The following NRXN2 variants were observed in gnomAD, a reference collection of about 807,000 sequenced individuals.
NRXN2 encodes the protein neurexin 2, also known as neurexin-2-beta.
NRXN2 carries 29 observed loss-of-function variants against 128.8 expected under a neutral mutation model. The ratio of observed to expected loss-of-function variants is 0.23; its 90% CI spans 0.17 to 0.31. The LOEUF is 0.31. Among genes scored for constraint, NRXN2 ranks in the 10% least tolerant of loss-of-function variants. The probability of loss-of-function intolerance (pLI) is 1.00; values close to 1 mark genes in which losing one functional copy is unlikely to be tolerated. For missense variants in NRXN2, 1,881 were observed against 2,452.6 expected (o/e 0.77, Z 4.92); for synonymous variants, 1,098 against 1,075.2 (o/e 1.02, Z -0.41).
rs1186281192 is a variant in NRXN2 at position 64,713,133 on chromosome 11, G to C, written c.567C>G (p.Pro189=). ...GCAGGCCCTGGCTGCCCAGCAGCGC[G>C]GGGGGCCGCTCGCCCAGCTTCAGGT... ...LANLKLGERP[P]ALLGSQGLRG... is the part of the protein sequence containing the mutation. The change falls in exon 2 of 23, where the codon CCC becomes CCG. Residue 189 remains proline (P), a synonymous_variant. Transcript: ENST00000265459. 6 of 1,433,046 alleles carry C rather than the reference G, an allele frequency of 4.2e-6. No individual in the cohort carries two copies. Among genetic ancestry groups the C allele is most frequent in the Non-Finnish European group, 5.5e-6 (6 of 1,092,972 alleles). The allele number at this position is 1,433,046 out of a possible 1,614,324, so 88.8% of individuals were successfully genotyped here. A position where few individuals can be genotyped will look rare whatever the true frequency, so the allele number is the denominator to read the frequency against.
chr11:64,693,478 C>T (rs1332776023), intron 3 of NRXN2, among the ~76,000 whole-genome samples: 1 of 152,036 alleles, frequency 6.6e-6, no homozygotes, highest in Non-Finnish European at 1.5e-5. Flanking sequence ...GGCCTCCAAC[C>T]CCCCAACACC....
chr11:64,708,708 G>C (rs1162034888), intron 2 of NRXN2, among the ~76,000 whole-genome samples: 1 of 152,212 alleles, frequency 6.6e-6, no homozygotes, highest in Non-Finnish European at 1.5e-5. Flanking sequence ...AAGGCAGATT[G>C]AAACATCTTG....
intron 6 of NRXN2, 147 bp downstream of exon 6, chr11:64,685,499 C>A (rs540139207): frequency 9.7e-5 from 106 of 1,089,976 alleles, no homozygotes; most frequent in South Asian, 6.6e-4. Flanking sequence ...TCGGGACCCT[C>A]ACAGCCCCAA....
intron 5 of NRXN2, among the ~76,000 whole-genome samples, chr11:64,688,071 G>A (rs538216147): frequency 2.6e-5 from 4 of 152,264 alleles, no homozygotes; most frequent in African/African-American, 9.6e-5. Context: ...CAAACAGAAA[G>A]AAAGAAAAGA....
In NRXN2 at chr11:64,698,301, C is replaced by T. The variant is rs116200024; in HGVS notation, c.731-509G>A. Among the ~76,000 whole-genome samples, 517 of 152,312 alleles carry T rather than the reference C, an allele frequency of 3.4e-3. 1 individual carries two copies. The highest frequency in any genetic ancestry group is 0.012 in the African/African-American group (489 of 41,540). ...ATAGGCACTTAGCAATCCAGTGACA[C>T]ACACTGTCTCACACAATTCACATAT... On this transcript the variant is annotated intron_variant, in intron 2 of 22. Coordinates refer to ENST00000265459, the MANE Select transcript of NRXN2 (RefSeq NM_015080.4).
chr11:64,649,102 T>C (rs1181525212), intron 15 of NRXN2, among the ~76,000 whole-genome samples, 195 bp from the exon 16 acceptor site: 1 of 152,162 alleles, frequency 6.6e-6, no homozygotes, highest in African/African-American at 2.4e-5. Context: ...CACTTTGCCA[T>C]CTGCCTGCTC....
intron 9 of NRXN2, chr11:64,661,476 T>G (rs915493327): frequency 9.1e-7 from 1 of 1,095,532 alleles, no homozygotes; most frequent in African/African-American, 1.6e-5. Context: ...TCGGAAAGGG[T>G]TGGATCATTC....
chr11:64,717,701 A>G (rs1164971759), intron 1 of NRXN2, among the ~76,000 whole-genome samples: 2 of 152,246 alleles, frequency 1.3e-5, no homozygotes, highest in African/African-American at 2.4e-5. Flanking sequence ...TGCATCAGAC[A>G]CCAGGCTGGA....
At position 64,630,820 on chromosome 11, in the gene NRXN2, T is replaced by C. The variant is rs903631238; in HGVS notation, c.3586-247A>G. Among the ~76,000 whole-genome samples, 109 of 152,306 alleles carry C rather than the reference T, an allele frequency of 7.2e-4. No homozygotes were observed. The highest frequency in any genetic ancestry group is 2.5e-3 in the African/African-American group (104 of 41,578). ...CCACTAACCACACCTGTCTCTTGCC[T>C]TTTGGTTTGTCCTGGATATTCACAA... On this transcript the variant is annotated intron_variant, in intron 18 of 22. Coordinates refer to ENST00000265459, the MANE Select transcript of NRXN2 (RefSeq NM_015080.4). The surrounding 1 kb of genome is among the most constrained non-coding windows in gnomAD (Gnocchi z 4.6).
At chr11:64,683,990 T>G (rs1047172475) in intron 6 of NRXN2, among the ~76,000 whole-genome samples, 3 of 152,196 alleles carry the variant, frequency 2.0e-5, no homozygotes, top group Admixed American at 1.3e-4. Flanking sequence ...TTTCTGCTGC[T>G]CACTTGGCAC....
intron 1 of NRXN2, among the ~76,000 whole-genome samples, chr11:64,719,224 T>G (rs1368061007): frequency 6.6e-6 from 1 of 152,124 alleles, no homozygotes; most frequent in Non-Finnish European, 1.5e-5. Context: ...GTGAGAAAAG[T>G]AAGCAAGACA....
Position 64,607,513 on chromosome 11 carries a change from G to A in NRXN2, c.4822C>T (p.His1608Tyr), listed in dbSNP as rs1449559144. 2 of 1,588,150 alleles carry A rather than the reference G, an allele frequency of 1.3e-6. No homozygotes were observed. Among genetic ancestry groups the A allele is most frequent in the Non-Finnish European group, 1.7e-6 (2 of 1,170,020 alleles). Residue 1608 changes from histidine (H) to tyrosine (Y), a missense_variant, in exon 23 of 23, where the codon CAT (histidine) becomes TAT (tyrosine). By Grantham distance (83) the His-to-Tyr change is moderately conservative (BLOSUM62 2). Transcript: ENST00000265459. ...CCTGTGGGGTTGGCTGTGGGCAGAT[G>A]GGGGAAGCCGGGGGCTGAGGTCACG... ...PGVTSAPGFPHLPTANPTGPG... is the reference protein window; with the variant it reads ...PGVTSAPGFPYLPTANPTGPG...
rs2039673189 is a variant in NRXN2 at position 64,606,563 on chromosome 11, C to T, written c.*633G>A. 1 of 151,992 alleles carries T rather than the reference C, an allele frequency of 6.6e-6. No homozygotes were observed. Among genetic ancestry groups the T allele is most frequent in the Non-Finnish European group, 1.5e-5 (1 of 68,196 alleles). 9.4% of individuals were successfully genotyped at this position (151,992 alleles called of 1,614,324 possible). On this transcript the variant is annotated 3_prime_UTR_variant, in exon 23 of 23. Coordinates refer to ENST00000265459, the MANE Select transcript of NRXN2 (RefSeq NM_015080.4). Reference sequence around the variant, plus strand: ...TTCCCTGGGCGGCACCAAGCAGGTGCCTCTCCTGGTGAGGGGAGTTGGGGC... The same window carrying T: ...TTCCCTGGGCGGCACCAAGCAGGTGTCTCTCCTGGTGAGGGGAGTTGGGGC...
chr11:64,612,215 G>A (rs2040774951), intron 22 of NRXN2, among the ~76,000 whole-genome samples: 1 of 152,020 alleles, frequency 6.6e-6, no homozygotes, highest in Admixed American at 6.5e-5. Flanking sequence ...GGGAGGACCG[G>A]GCTCCTCAAA....
chr11:64,684,516 A>G (rs1289157762), intron 6 of NRXN2, among the ~76,000 whole-genome samples: 1 of 152,146 alleles, frequency 6.6e-6, no homozygotes, highest in African/African-American at 2.4e-5. Flanking sequence ...AGGATTAGTC[A>G]CTGCGTTCTC....
At chr11:64,712,783 C>T in intron 2 of NRXN2, 187 bp downstream of exon 2, 1 of 700,778 alleles carries the variant, frequency 1.4e-6, no homozygotes, top group South Asian at 1.5e-5. Context: ...TCGCCCCGCC[C>T]ACCGCCAACC....
intron 17 of NRXN2, among the ~76,000 whole-genome samples, chr11:64,647,220 T>TGTGTGTGTGTGTGTGTGC (rs2046825641): frequency 6.7e-6 from 1 of 150,110 alleles, no homozygotes; most frequent in Non-Finnish European, 1.5e-5. Context: ...TGTGTGTGTG[T>TGTGTGTGTGTGTGTGTGC]GTGTGTGTGT....
intron 1 of NRXN2, among the ~76,000 whole-genome samples, chr11:64,720,166 T>G (rs1397784195): frequency 6.6e-6 from 1 of 152,228 alleles, no homozygotes; most frequent in Non-Finnish European, 1.5e-5. Flanking sequence ...CACCCCACCA[T>G]GCCAAACAGT....
Position 64,651,942 on chromosome 11 carries a change from G to T in NRXN2, c.2536+93C>A. 6.3e-7 allele frequency: 1 copy of T among 1,575,044 alleles called. No homozygotes were observed. The highest frequency in any genetic ancestry group is 8.6e-7 in the Non-Finnish European group (1 of 1,157,166). On this transcript the variant is annotated intron_variant, in intron 13 of 22. Coordinates refer to ENST00000265459, the MANE Select transcript of NRXN2 (RefSeq NM_015080.4). This position sits in a 1 kb window ranked among gnomAD's most constrained non-coding sequence, Gnocchi z 5.9. The stretch of plus-strand genomic sequence containing the variant: ...GGCAGCTTGCCAGAACACTGCCCTA[G>T]GAATGGCAGCCCAGGCAGTAGTCAC...
Sources: allele counts gnomAD v4.1 joint callset (sites outside exome capture counted in the v4.1 genomes callset), GRCh38; gene constraint gnomAD v4.1.1; non-coding constraint Gnocchi (gnomAD v3.1); transcripts MANE v1.5; gene names NCBI Gene and HGNC (gene_info 2026-07-23, HGNC 2026-07-21).